The following UBE2H variants were observed in gnomAD, a reference collection of about 807,000 sequenced individuals.
UBE2H encodes ubiquitin-conjugating enzyme E2 H.
Under a neutral mutation model 29.0 loss-of-function variants are expected in UBE2H, and 3 were observed. That is an observed-to-expected ratio of 0.10 (90% CI 0.05 to 0.27). UBE2H has a LOEUF of 0.27. UBE2H is among the 10% of genes least tolerant of loss of function. The pLI is 1.00. For synonymous variants in UBE2H, 69 were observed against 82.9 expected, an observed-to-expected ratio of 0.83 and a Z score of 0.91; for missense variants, 68 against 228.2, an observed-to-expected ratio of 0.30 and a Z score of 4.52.
chr7:129,952,459 AC>A, intron 1 of UBE2H, 43 bp downstream of exon 1: 1 of 1,603,194 alleles, frequency 6.2e-7, no homozygotes, highest in South Asian at 1.1e-5. Context: ...GCATCCCCAC[AC>A]CGCCCCCCAC....
At chr7:129,920,287 TCTTA>T (rs1375923474) in intron 1 of UBE2H, among the ~76,000 whole-genome samples, 5 of 152,276 alleles carry the variant, frequency 3.3e-5, no homozygotes, top group South Asian at 2.1e-4. Context: ...AAAATACATT[TCTTA>T]CTGTGTCTAG....
intron 1 of UBE2H, among the ~76,000 whole-genome samples, chr7:129,941,222 T>C (rs1807635539): frequency 6.6e-6 from 1 of 152,050 alleles, no homozygotes; most frequent in Admixed American, 6.6e-5. Context: ...TTTTGTATTT[T>C]AGTAGAGACA....
chr7:129,884,750 A>AT (rs1249263499), intron 1 of UBE2H, among the ~76,000 whole-genome samples: 1 of 151,856 alleles, frequency 6.6e-6, no homozygotes, highest in African/African-American at 2.4e-5. Flanking sequence ...CACCCAGCTA[A>AT]TTTTTTTAGT....
At position 129,904,225 on chromosome 7, in the gene UBE2H, C is replaced by T. The variant is rs1420978766; in HGVS notation, c.54-23254G>A. Among the ~76,000 whole-genome samples, 3 of 152,294 alleles carry T rather than the reference C, an allele frequency of 2.0e-5. No homozygotes were observed. The East Asian group carries it at 5.8e-4, about 29-fold the overall frequency. ...CCTTTGCAATGGCTATTTCTTCTGCCCAGCCCTGATTTCCCTGTTTTGACA... is the reference window on the plus strand; with the variant it reads ...CCTTTGCAATGGCTATTTCTTCTGCTCAGCCCTGATTTCCCTGTTTTGACA... On this transcript the variant is annotated intron_variant, in intron 1 of 6. Transcript: ENST00000355621.
At chr7:129,886,637 A>G (rs1286264541) in intron 1 of UBE2H, among the ~76,000 whole-genome samples, 3 of 152,106 alleles carry the variant, frequency 2.0e-5, no homozygotes, top group Non-Finnish European at 4.4e-5. Flanking sequence ...GCTTCTGTGC[A>G]GAGGGCAGAA....
chr7:129,944,417 G>A (rs1207675713), intron 1 of UBE2H, among the ~76,000 whole-genome samples: 1 of 151,832 alleles, frequency 6.6e-6, no homozygotes, highest in Non-Finnish European at 1.5e-5. Flanking sequence ...ATTTTATTTG[G>A]GTGTGAAATA....
At chr7:129,919,100 T>TAAAAAAAAAAAAAAAAAAAAAAGAA (rs1204331286) in intron 1 of UBE2H, among the ~76,000 whole-genome samples, 5 of 72,152 alleles carry the variant, frequency 6.9e-5, no homozygotes, top group Non-Finnish European at 7.4e-5. Context: ...AAAAACAAAG[T>TAAAAAAAAAAAAAAAAAAAAAAGAA]AAAAAAAAAA....
At chr7:129,923,004 C>T (rs1268594963) in intron 1 of UBE2H, among the ~76,000 whole-genome samples, 1 of 152,058 alleles carries the variant, frequency 6.6e-6, no homozygotes, top group Non-Finnish European at 1.5e-5. Context: ...CAGGTTCATG[C>T]TATTCTCCTG....
At chr7:129,934,455 T>C (rs1435610317) in intron 1 of UBE2H, among the ~76,000 whole-genome samples, 3 of 150,248 alleles carry the variant, frequency 2.0e-5, no homozygotes, top group South Asian at 2.1e-4. Context: ...CTGGCCAATA[T>C]GGTGAAACCC....
chr7:129,899,585 G>A (rs572332896), intron 1 of UBE2H, among the ~76,000 whole-genome samples: 1 of 152,222 alleles, frequency 6.6e-6, no homozygotes, highest in African/African-American at 2.4e-5. Context: ...CACAACACGT[G>A]CATGTGCTCA....
chr7:129,840,663 C>T (rs566027831), intron 5 of UBE2H, among the ~76,000 whole-genome samples: 2 of 152,310 alleles, frequency 1.3e-5, no homozygotes, highest in South Asian at 4.1e-4. Flanking sequence ...AACTGCAGCA[C>T]CCCTGAGAAA....
chr7:129,949,040 C>T (rs1193211499), intron 1 of UBE2H: 2 of 456,588 alleles, frequency 4.4e-6, no homozygotes, highest in Admixed American at 2.4e-5. Context: ...GGAGCGGTGC[C>T]TGCGGCCTTT....
Position 129,943,202 on chromosome 7 carries a change from C to T in UBE2H, c.53+9301G>A, listed in dbSNP as rs117448774. Among the ~76,000 whole-genome samples the T allele has an allele frequency of 6.3e-4, 96 of 152,116 alleles. No homozygotes were observed. The East Asian group carries it at 0.017, about 27-fold the overall frequency. On this transcript the variant is annotated intron_variant, in intron 1 of 6. Transcript: ENST00000355621. ...ACATTTTTTTTAGACAGGGCCTTGCCCTGTCACCCAGGCTGGACTGCAGTG... is the reference window on the plus strand; with the variant it reads ...ACATTTTTTTTAGACAGGGCCTTGCTCTGTCACCCAGGCTGGACTGCAGTG...
At chr7:129,864,594 C>G (rs1584751824) in intron 3 of UBE2H, among the ~76,000 whole-genome samples, 1 of 127,034 alleles carries the variant, frequency 7.9e-6, no homozygotes, top group East Asian at 2.6e-4. Context: ...CACTCTATCA[C>G]TCAGGCTGGA....
chr7:129,874,028 T>A (rs937782788), intron 3 of UBE2H, among the ~76,000 whole-genome samples: 1 of 152,178 alleles, frequency 6.6e-6, no homozygotes, highest in Non-Finnish European at 1.5e-5. Flanking sequence ...TTTTAAGAAG[T>A]ATAAATGATG....
chr7:129,883,370 G>A (rs1014556157), intron 1 of UBE2H, among the ~76,000 whole-genome samples: 6 of 152,128 alleles, frequency 3.9e-5, no homozygotes, highest in African/African-American at 9.7e-5. Flanking sequence ...GCCTGTCAGC[G>A]CTACTCCCGG....
chr7:129,921,461 G>C (rs570757496), intron 1 of UBE2H, among the ~76,000 whole-genome samples: 30 of 152,266 alleles, frequency 2.0e-4, no homozygotes, highest in African/African-American at 6.7e-4. Context: ...ACTTTGGGAG[G>C]CCGAGGCGGG....
intron 1 of UBE2H, among the ~76,000 whole-genome samples, chr7:129,907,854 A>G (rs1314790587): frequency 3.3e-5 from 5 of 152,260 alleles, no homozygotes; most frequent in Non-Finnish European, 7.3e-5. Context: ...ATTAAAATAC[A>G]GGCTGGAAAA....
rs568817454 is a variant in UBE2H at position 129,836,870 on chromosome 7, A to G, written c.428-1809T>C. 7.6e-5 allele frequency among the ~76,000 whole-genome samples: 10 copies of G among 131,058 alleles called. No individual in the cohort carries two copies. The East Asian group carries it at 2.1e-3, about 28-fold the overall frequency. 86.0% of individuals were successfully genotyped at this position (131,058 alleles called of 152,430 possible). On this transcript the variant is annotated intron_variant, in intron 6 of 6. Transcript: ENST00000355621. Reference sequence around the variant, plus strand: ...ACTCCAGCCTAGGCGACAGGGCAAGACTCCGTCTCAAAAAAAAAAAAAAAA... The same window carrying G: ...ACTCCAGCCTAGGCGACAGGGCAAGGCTCCGTCTCAAAAAAAAAAAAAAAA...
Sources: allele counts gnomAD v4.1 joint callset (sites outside exome capture counted in the v4.1 genomes callset), GRCh38; gene constraint gnomAD v4.1.1; transcripts MANE v1.5; gene names NCBI Gene and HGNC (gene_info 2026-07-23, HGNC 2026-07-21).